The following RIT2 variants were observed in gnomAD, a reference collection of about 807,000 sequenced individuals.
RIT2 encodes Ras like without CAAX 2.
RIT2 carries 24 observed loss-of-function variants against 23.7 expected under a neutral mutation model. The ratio of observed to expected loss-of-function variants is 1.01; its 90% CI spans 0.73 to 1.43. The LOEUF is 1.43. Ranked by LOEUF, RIT2 falls within the 40% of genes most tolerant of loss-of-function variation. RIT2 has a pLI of 0.00. For synonymous variants in RIT2, 107 were observed against 91.1 expected, an observed-to-expected ratio of 1.17 and a Z score of -0.99; for missense variants, 236 against 266.9, an observed-to-expected ratio of 0.88 and a Z score of 0.81.
intron 4 of RIT2, among the ~76,000 whole-genome samples, chr18:42,771,605 G>A (rs1913552899): frequency 6.6e-6 from 1 of 152,022 alleles, no homozygotes; most frequent in Non-Finnish European, 1.5e-5. Flanking sequence ...AATCATGAAT[G>A]GATTGATTTG....
At chr18:42,983,028 A>T (rs1910631231) in intron 2 of RIT2, among the ~76,000 whole-genome samples, 1 of 152,096 alleles carries the variant, frequency 6.6e-6, no homozygotes, top group Admixed American at 6.6e-5. Flanking sequence ...TTAATTCCAC[A>T]ATATAATGAA....
At chr18:42,778,620 C>T (rs1913735156) in intron 4 of RIT2, among the ~76,000 whole-genome samples, 1 of 152,196 alleles carries the variant, frequency 6.6e-6, no homozygotes, top group Admixed American at 6.5e-5. Flanking sequence ...GGTCCCCTGA[C>T]AGCACCAGGC....
chr18:43,088,300 C>G (rs1451714816), intron 1 of RIT2, among the ~76,000 whole-genome samples: 3 of 152,210 alleles, frequency 2.0e-5, no homozygotes, highest in Non-Finnish European at 1.5e-5. Context: ...ATGTAAGAAA[C>G]AATGAAGCCA....
chr18:42,917,833 C>T lies in RIT2; in HGVS notation c.426+5739G>A, dbSNP rs146941406. On this transcript the variant is annotated intron_variant, in intron 4 of 4. Coordinates refer to ENST00000326695, the MANE Select transcript of RIT2 (RefSeq NM_002930.4). Reference sequence around the variant, plus strand: ...CTGGAATGCTCTTCACCCAAATCCTCCCCACACTCCGGAGTTGTGCTCAAT... The same window carrying T: ...CTGGAATGCTCTTCACCCAAATCCTTCCCACACTCCGGAGTTGTGCTCAAT... Among the ~76,000 whole-genome samples, 173 of 152,152 alleles carry T rather than the reference C, an allele frequency of 1.1e-3. 1 individual carries two copies. The highest frequency in any genetic ancestry group is 0.01 in the Middle Eastern group (3 of 294).
chr18:42,979,915 T>G (rs1246100574), intron 2 of RIT2, among the ~76,000 whole-genome samples: 1 of 152,072 alleles, frequency 6.6e-6, no homozygotes, highest in Non-Finnish European at 1.5e-5. Context: ...GGGTGCTTAT[T>G]TAGGGAGATG....
intron 1 of RIT2, among the ~76,000 whole-genome samples, chr18:43,064,536 G>C (rs940133823): frequency 6.6e-6 from 1 of 152,126 alleles, no homozygotes; most frequent in Non-Finnish European, 1.5e-5. Context: ...AGGATCAGTA[G>C]ATGGCAGACA....
intron 3 of RIT2, among the ~76,000 whole-genome samples, chr18:42,930,620 G>T (rs924420426): frequency 4.6e-5 from 7 of 152,036 alleles, no homozygotes; most frequent in African/African-American, 1.7e-4. Context: ...TAATGACAGA[G>T]ATCAGCTGAT....
chr18:42,860,446 A>T (rs1598687481), intron 4 of RIT2, among the ~76,000 whole-genome samples: 1 of 152,310 alleles, frequency 6.6e-6, no homozygotes, highest in East Asian at 1.9e-4. Flanking sequence ...GTTTTGAAAA[A>T]GTTGATTTTA....
chr18:43,091,262 A>C (rs569832377), intron 1 of RIT2, among the ~76,000 whole-genome samples: 1 of 152,188 alleles, frequency 6.6e-6, no homozygotes, highest in Admixed American at 6.6e-5. Flanking sequence ...CAAAGAAAAT[A>C]AAATTGTTGT....
chr18:42,890,577 G>A (rs1240262355), intron 4 of RIT2, among the ~76,000 whole-genome samples: 2 of 151,742 alleles, frequency 1.3e-5, no homozygotes, highest in African/African-American at 2.4e-5. Flanking sequence ...AGAAGAGAGA[G>A]AGAGAGAAGG....
chr18:42,866,156 A>T (rs1907464140), intron 4 of RIT2, among the ~76,000 whole-genome samples: 1 of 152,210 alleles, frequency 6.6e-6, no homozygotes, highest in South Asian at 2.1e-4. Context: ...GAAACAATTG[A>T]CATGAGAAGC....
At chr18:43,014,044 T>C (rs1482896570) in intron 2 of RIT2, among the ~76,000 whole-genome samples, 1 of 151,784 alleles carries the variant, frequency 6.6e-6, no homozygotes, top group African/African-American at 2.4e-5. Context: ...AAATAAAAGA[T>C]AATTATGAAA....
At chr18:42,782,488 TAGAA>T (rs1913833444) in intron 4 of RIT2, among the ~76,000 whole-genome samples, 1 of 151,986 alleles carries the variant, frequency 6.6e-6, no homozygotes, top group African/African-American at 2.4e-5. Context: ...AGATGATTGA[TAGAA>T]AGATAGATGG....
intron 2 of RIT2, among the ~76,000 whole-genome samples, chr18:43,005,055 G>C (rs188254787): frequency 8.4e-4 from 128 of 151,814 alleles, no homozygotes; most frequent in African/African-American, 3.0e-3. Flanking sequence ...ATGCAGCTAA[G>C]AAAGAAAAAG....
intron 2 of RIT2, among the ~76,000 whole-genome samples, chr18:42,980,629 A>G (rs1319388760): frequency 6.6e-6 from 1 of 152,128 alleles, no homozygotes; most frequent in African/African-American, 2.4e-5. Context: ...CCAGTGACTA[A>G]CATGCTTGTC....
intron 4 of RIT2, among the ~76,000 whole-genome samples, chr18:42,832,240 A>G (rs1906479525): frequency 6.6e-6 from 1 of 152,250 alleles, no homozygotes; most frequent in Non-Finnish European, 1.5e-5. Context: ...ATTTGGTCAG[A>G]GTTAAAATGA....
intron 4 of RIT2, among the ~76,000 whole-genome samples, chr18:42,808,673 CAG>C (rs1476347073): frequency 6.6e-6 from 1 of 151,928 alleles, no homozygotes; most frequent in Non-Finnish European, 1.5e-5. Context: ...CTTTGTTCAG[CAG>C]AGTTTCCTCT....
chr18:42,795,957 A>G (rs569295530), intron 4 of RIT2, among the ~76,000 whole-genome samples: 5 of 152,214 alleles, frequency 3.3e-5, no homozygotes, highest in African/African-American at 9.6e-5. Flanking sequence ...TTGTAAAGGC[A>G]CCAATCAGCG....
intron 2 of RIT2, among the ~76,000 whole-genome samples, chr18:42,994,588 T>C (rs967673173): frequency 5.3e-5 from 8 of 152,112 alleles, no homozygotes; most frequent in African/African-American, 1.7e-4. Context: ...TAGCTCTCCC[T>C]GACTCATCCC....
Sources: gnomAD v4.1 joint callset for allele counts (sites outside exome capture counted in the v4.1 genomes callset) on GRCh38, gnomAD v4.1.1 for gene constraint, MANE v1.5 for transcripts, NCBI Gene and HGNC (gene_info 2026-07-23, HGNC 2026-07-21) for gene names.